DENND5B: variants seen among roughly 807,000 people sequenced by gnomAD.
DENND5B encodes the protein DENN domain-containing protein 5B.
A neutral mutation model predicts 140.6 loss-of-function variants in DENND5B; 34 were observed. The observed-to-expected ratio is 0.24, with a 90% CI of 0.18 to 0.32. DENND5B has a LOEUF of 0.32. Ranked by LOEUF, DENND5B falls within the 10% of genes least tolerant of loss-of-function variation. The pLI, the probability that DENND5B is intolerant of heterozygous loss-of-function variation, is 1.00. For synonymous variants in DENND5B, 551 were observed against 562.1 expected (o/e 0.98, Z 0.28); for missense variants, 1,142 against 1,560.2 (o/e 0.73, Z 4.52).
chr12:31,565,659 C>T (rs1429140473), intron 1 of DENND5B, among the ~76,000 whole-genome samples: 1 of 152,174 alleles, frequency 6.6e-6, no homozygotes. Context: ...GGCTCTTTTA[C>T]ACATGAGAAT....
intron 12 of DENND5B, 67 bp from the exon 13 acceptor site, chr12:31,413,631 G>C (rs1040807499): frequency 6.5e-7 from 1 of 1,549,720 alleles, no homozygotes; most frequent in African/African-American, 1.4e-5. Context: ...AAGAAGTAAA[G>C]AGTGAACAGT....
intron 2 of DENND5B, among the ~76,000 whole-genome samples, chr12:31,485,082 C>T (rs551522409): frequency 3.2e-4 from 49 of 152,194 alleles, no homozygotes; most frequent in African/African-American, 9.6e-4. Flanking sequence ...TGAATCCTGG[C>T]GAAATCATTA....
chr12:31,531,991 G>A (rs1948305008), intron 1 of DENND5B, among the ~76,000 whole-genome samples: 1 of 152,002 alleles, frequency 6.6e-6, no homozygotes, highest in Non-Finnish European at 1.5e-5. Flanking sequence ...AAATATAATA[G>A]AAAATAAAAA....
At chr12:31,407,987 C>T (rs951022468) in intron 14 of DENND5B, among the ~76,000 whole-genome samples, 7 of 152,122 alleles carry the variant, frequency 4.6e-5, no homozygotes, top group African/African-American at 1.2e-4. Context: ...TGCTATCATT[C>T]GGCTTTCTAT....
chr12:31,384,878 T>G lies in DENND5B; in HGVS notation c.*2725A>C, dbSNP rs1940782792. On this transcript the variant is annotated 3_prime_UTR_variant, in exon 21 of 21. Coordinates refer to ENST00000389082, the MANE Select transcript of DENND5B (RefSeq NM_144973.4). ...ACCTCCTGTGTTTAAACGATTCTCC[T>G]GCTTCAGCCTCCTGAGTAGCTGGAA... is the stretch of plus-strand genomic sequence containing the variant. 1 of 151,814 alleles carries G rather than the reference T, an allele frequency of 6.6e-6. No individual in the cohort carries two copies. Among genetic ancestry groups the G allele is most frequent in the South Asian group, 2.1e-4 (1 of 4,812 alleles). 9.4% of individuals were successfully genotyped at this position (151,814 alleles called of 1,614,324 possible).
At position 31,384,574 on chromosome 12, in the gene DENND5B, G is replaced by A. The variant is rs554697329; in HGVS notation, c.*3029C>T. On this transcript the variant is annotated 3_prime_UTR_variant, in exon 21 of 21. Transcript: ENST00000389082. ...CGGAATAAGTACATGGGCTCACAAG[G>A]TGACTGAAGGACCCATCATCCAAGA... 1.3e-5 allele frequency: 2 copies of A among 152,122 alleles called. No individual in the cohort carries two copies. The highest frequency in any genetic ancestry group is 2.9e-5 in the Non-Finnish European group (2 of 68,026). 9.4% of individuals were successfully genotyped at this position (152,122 alleles called of 1,614,324 possible).
chr12:31,457,909 T>C (rs1314372497), intron 4 of DENND5B, among the ~76,000 whole-genome samples: 1 of 151,646 alleles, frequency 6.6e-6, no homozygotes, highest in Admixed American at 6.6e-5. Flanking sequence ...AGAGACAGGG[T>C]TTCACCGTGT....
intron 1 of DENND5B, among the ~76,000 whole-genome samples, chr12:31,582,434 C>G (rs1268126827): frequency 6.6e-6 from 1 of 152,152 alleles, no homozygotes; most frequent in African/African-American, 2.4e-5. Context: ...CTTTAAAAAA[C>G]TATAAACTCA....
rs745898887 is a variant in DENND5B at position 31,382,855 on chromosome 12, C to A, written c.*4748G>T. 4.6e-5 allele frequency: 7 copies of A among 151,964 alleles called. No individual in the cohort carries two copies. The highest frequency in any genetic ancestry group is 8.8e-5 in the Non-Finnish European group (6 of 68,000). 9.4% of individuals were successfully genotyped at this position (151,964 alleles called of 1,614,324 possible). ...TCTTTTGATCACACTACATCAGCAA[C>A]CTCTTCAAAAAGCTTAGAATTCAGT... On this transcript the variant is annotated 3_prime_UTR_variant, in exon 21 of 21. Coordinates refer to ENST00000389082, the MANE Select transcript of DENND5B (RefSeq NM_144973.4).
intron 7 of DENND5B, 146 bp from the exon 8 acceptor site, chr12:31,433,394 C>T: frequency 2.7e-6 from 2 of 740,100 alleles, no homozygotes; most frequent in Non-Finnish European, 4.2e-6. Context: ...AATTAAAATA[C>T]CATACTATGC....
chr12:31,383,354 T>C lies in DENND5B; in HGVS notation c.*4249A>G, dbSNP rs1031981096. 2.0e-5 allele frequency: 3 copies of C among 152,176 alleles called. No homozygotes were observed. The highest frequency in any genetic ancestry group is 4.4e-5 in the Non-Finnish European group (3 of 68,030). 9.4% of individuals were successfully genotyped at this position (152,176 alleles called of 1,614,324 possible). A position where few individuals can be genotyped will look rare whatever the true frequency, so the allele number is the denominator to read the frequency against. On this transcript the variant is annotated 3_prime_UTR_variant, in exon 21 of 21. Coordinates refer to ENST00000389082, the MANE Select transcript of DENND5B (RefSeq NM_144973.4). Reference sequence around the variant, plus strand: ...TCAACATATACTACACATAAGCTGTTGTATAGTCTTGAACCTCTTTTTCAC... The same window carrying C: ...TCAACATATACTACACATAAGCTGTCGTATAGTCTTGAACCTCTTTTTCAC...
chr12:31,410,895 G>C (rs955074001), intron 13 of DENND5B, among the ~76,000 whole-genome samples: 1 of 152,130 alleles, frequency 6.6e-6, no homozygotes, highest in South Asian at 2.1e-4. Flanking sequence ...ATATTGAATC[G>C]CACATATAGT....
intron 1 of DENND5B, among the ~76,000 whole-genome samples, chr12:31,581,445 T>C (rs1294189033): frequency 6.6e-6 from 1 of 152,078 alleles, no homozygotes; most frequent in African/African-American, 2.4e-5. Flanking sequence ...TCCTAGCACT[T>C]TGGGAGGCCG....
chr12:31,406,217 G>A (rs79302647), intron 14 of DENND5B, among the ~76,000 whole-genome samples: 1 of 151,962 alleles, frequency 6.6e-6, no homozygotes, highest in African/African-American at 2.4e-5. Flanking sequence ...TTGATCATAA[G>A]AGGGGGTGTT....
At chr12:31,522,307 A>C (rs188828762) in intron 1 of DENND5B, among the ~76,000 whole-genome samples, 3 of 152,342 alleles carry the variant, frequency 2.0e-5, no homozygotes, top group African/African-American at 7.2e-5. Flanking sequence ...AAGCATGGCC[A>C]TATCAGGAAC....
At chr12:31,458,079 G>C (rs896971490) in intron 4 of DENND5B, among the ~76,000 whole-genome samples, 3 of 152,198 alleles carry the variant, frequency 2.0e-5, no homozygotes, top group African/African-American at 7.2e-5. Flanking sequence ...GAACAGATGA[G>C]TATACGTATT....
chr12:31,420,665 A>C (rs965495163), intron 11 of DENND5B, among the ~76,000 whole-genome samples: 3 of 152,088 alleles, frequency 2.0e-5, no homozygotes, highest in Non-Finnish European at 4.4e-5. Flanking sequence ...GCTGGTGTTG[A>C]ACTTCTGGCC....
chr12:31,499,627 C>T, intron 1 of DENND5B: 4 of 1,505,176 alleles, frequency 2.7e-6, no homozygotes, highest in South Asian at 2.6e-5. Flanking sequence ...TTTGCAGCAC[C>T]TTGGCTCTTG....
intron 3 of DENND5B, among the ~76,000 whole-genome samples, chr12:31,463,706 G>A (rs2679502): frequency 0.078 from 11,801 of 152,026 alleles, 1,043 homozygotes; most frequent in African/African-American, 0.22. Context: ...TTGCTGCCCA[G>A]GCTGGAGCGC....
Sources: gnomAD v4.1 joint callset for allele counts (sites outside exome capture counted in the v4.1 genomes callset) on GRCh38, gnomAD v4.1.1 for gene constraint, MANE v1.5 for transcripts, NCBI Gene and HGNC (gene_info 2026-07-23, HGNC 2026-07-21) for gene names.